The following HELZ2 variants were observed in gnomAD, a reference collection of about 807,000 sequenced individuals.
HELZ2 encodes the protein helicase with zinc finger 2, also known as 3'-5' exoribonuclease HELZ2.
In HELZ2, 143 loss-of-function variants were observed where a neutral mutation model predicts 208.8. That is an observed-to-expected ratio of 0.68 (90% CI 0.60 to 0.79). The LOEUF (loss-of-function observed/expected upper bound fraction) is 0.79. Ranked by LOEUF, HELZ2 falls within the 30% of genes least tolerant of loss-of-function variation. HELZ2 has a pLI of 0.00. For synonymous variants in HELZ2, 1,705 were observed against 1,693.7 expected (o/e 1.01, Z -0.16); for missense variants, 3,690 against 3,794.5 (o/e 0.97, Z 0.72).
exon 11 of HELZ2, chr20:63,561,888 T>G: frequency 6.3e-7 from 1 of 1,577,022 alleles, no homozygotes; most frequent in Non-Finnish European, 8.6e-7. Flanking sequence ...CCCCAGCCGC[T>G]TCTCCCCACG....
exon 5 of HELZ2, chr20:63,568,917 G>A (rs1440893589): frequency 3.1e-6 from 5 of 1,610,160 alleles, no homozygotes. Context: ...TCTGCGTACA[G>A]TGCTCCCGGA....
At chr20:63,567,383 C>T (rs535974552) in exon 6 of HELZ2, 38 of 1,593,014 alleles carry the variant, frequency 2.4e-5, no homozygotes, top group South Asian at 1.9e-4. Flanking sequence ...GAGAAGAAGC[C>T]GACCGGCACC....
exon 14 of HELZ2, chr20:63,561,212 C>A (rs1489408015): frequency 6.2e-7 from 1 of 1,612,936 alleles, no homozygotes; most frequent in East Asian, 2.2e-5. Context: ...GGAGCAGGTG[C>A]AGAGGATGAC....
In HELZ2 at chr20:63,566,870, T is replaced by G. The variant is rs570010016; in HGVS notation, c.2488A>C (p.Ile830Leu). The change falls in exon 6 of 19, where the codon ATC becomes CTC. Residue 830 changes from isoleucine to leucine, a missense_variant. Ile to Leu is a conservative substitution (Grantham distance 5). Transcript: ENST00000467148. ...TGGGCACCGTGGGAAACGACACAGATGCACCTCTGCTCGCGGCCGCCCCAG... is the reference window on the plus strand; with the variant it reads ...TGGGCACCGTGGGAAACGACACAGAGGCACCTCTGCTCGCGGCCGCCCCAG... 48 of 1,604,374 alleles carry G rather than the reference T, an allele frequency of 3.0e-5. No individual in the cohort carries two copies. In the African/African-American group the frequency reaches 3.5e-4, roughly 12 times the overall value.
At chr20:63,565,584 C>A (rs1035507279) in exon 8 of HELZ2, 3 of 1,609,214 alleles carry the variant, frequency 1.9e-6, no homozygotes, top group Non-Finnish European at 2.5e-6. Context: ...TGGCTCTCGT[C>A]CAGAAGCTCC....
Position 63,562,356 on chromosome 20 carries a change from AG to A in HELZ2, c.6328del (p.Leu2110Ter). 6.3e-7 allele frequency: 1 copy of A among 1,593,426 alleles called. No individual in the cohort carries two copies. ...GGTGACCAGCGGGGACGCCTCCTCT[AG>A]TCCACGCACGGCTTCCTCCTTGCGG... is the stretch of plus-strand genomic sequence containing the variant. On this transcript the variant is annotated frameshift_variant, in exon 9 of 19. Coordinates refer to ENST00000467148, the Ensembl canonical transcript of HELZ2. LOFTEE classifies it high-confidence loss of function.
chr20:63,568,806 T>C (rs1246648652), exon 5 of HELZ2: 3 of 1,612,156 alleles, frequency 1.9e-6, no homozygotes, highest in South Asian at 2.2e-5. Flanking sequence ...AACACCGTAT[T>C]GTCGGGTGCA....
At chr20:63,567,229 C>A in exon 6 of HELZ2, 1 of 1,607,734 alleles carries the variant, frequency 6.2e-7, no homozygotes, top group South Asian at 1.1e-5. Context: ...CTCGGCCGCC[C>A]GGGCCCTGGC....
rs201098604 is a variant in HELZ2 at position 63,561,231 on chromosome 20, G to A, written c.6997C>T (p.Arg2333Trp). The A allele has an allele frequency of 1.9e-5, 30 of 1,612,752 alleles. No individual in the cohort carries two copies. The highest frequency in any genetic ancestry group is 1.8e-4 in the Admixed American group (11 of 59,980). Residue 2333 changes from arginine (R) to tryptophan (W), a missense_variant, in exon 14 of 19, where the codon CGG (arginine) becomes TGG (tryptophan). Transcript: ENST00000467148. ...CAGGTGCAGAGGATGACCTCATGCC[G>A]GTCCAGCTCGAACTTCCGAGCCTCC...
exon 8 of HELZ2, chr20:63,565,281 T>C: frequency 6.2e-7 from 1 of 1,605,752 alleles, no homozygotes; most frequent in Non-Finnish European, 8.5e-7. Flanking sequence ...TCGGGCGCCT[T>C]GTCTCCCGAA....
downstream of HELZ2, chr20:63,559,081 C>A (rs1007702613): frequency 2.0e-4 from 149 of 739,006 alleles, no homozygotes; most frequent in Middle Eastern, 1.6e-3. Flanking sequence ...GGGGACCGGC[C>A]CTTGCCGTTC....
At chr20:63,565,571 T>C in exon 8 of HELZ2, 1 of 1,608,656 alleles carries the variant, frequency 6.2e-7, no homozygotes, top group Non-Finnish European at 8.5e-7. Context: ...CACCATCACC[T>C]TCTGGCTCTC....
At chr20:63,568,739 G>A (rs756590481) in exon 5 of HELZ2, 37 of 1,604,354 alleles carry the variant, frequency 2.3e-5, no homozygotes, top group Admixed American at 3.4e-5. Context: ...GCAGCGGGCC[G>A]GAAGCAGCAG....
downstream of HELZ2, chr20:63,558,719 G>A (rs952055105): frequency 2.6e-5 from 4 of 152,298 alleles, no homozygotes; most frequent in African/African-American, 9.7e-5. Context: ...TGTATTTTTA[G>A]TGGAGACGGG....
rs1054267682 is a variant in HELZ2 at position 63,566,435 on chromosome 20, C to T, written c.2533G>A (p.Glu845Lys). Residue 845 changes from glutamate (E) to lysine (K), a missense_variant, in exon 7 of 19, where the codon GAG becomes AAG. By Grantham distance (56) the Glu-to-Lys change is moderately conservative. Coordinates refer to ENST00000467148, the Ensembl canonical transcript of HELZ2. ...TGGCCTAGGTCCCGCCTCCTCAGCT[C>T]CTGCCTCAGTGCACTGACCTGAAGA... The T allele has an allele frequency of 4.5e-6, 7 of 1,548,326 alleles. No homozygotes were observed. The African/African-American group carries it at 8.2e-5, about 18-fold the overall frequency.
chr20:63,562,795 G>A, exon 8 of HELZ2: 4 of 1,609,696 alleles, frequency 2.5e-6, no homozygotes, highest in South Asian at 2.2e-5. Flanking sequence ...CGAGCCGGAT[G>A]CAGAGGTAGC....
chr20:63,563,715 T>G (rs983221112), exon 8 of HELZ2: 3 of 1,593,816 alleles, frequency 1.9e-6, no homozygotes, highest in Non-Finnish European at 2.6e-6. Context: ...AGCCCATCGA[T>G]GTCCCTGGCA....
intron 16 of HELZ2, 30 bp downstream of exon 17, chr20:63,560,449 C>T (rs2082873338): frequency 3.7e-6 from 6 of 1,603,266 alleles, no homozygotes; most frequent in Non-Finnish European, 5.1e-6. Flanking sequence ...CCAGAAAGCC[C>T]TCCCTGACTC....
At chr20:63,564,616 C>G (rs2082928256) in exon 8 of HELZ2, 2 of 1,568,814 alleles carry the variant, frequency 1.3e-6, no homozygotes, top group Admixed American at 1.9e-5. Flanking sequence ...TGGGCACTGG[C>G]TCCCTGCCGG....
Sources: gnomAD v4.1 joint callset for allele counts on GRCh38, gnomAD v4.1.1 for gene constraint, MANE v1.5 for transcripts, NCBI Gene and HGNC (gene_info 2026-07-23, HGNC 2026-07-21) for gene names.